The following ZNF229 variants were observed in gnomAD, a reference collection of about 807,000 sequenced individuals.
ZNF229 encodes the protein zinc finger protein 229.
Under a neutral mutation model 11.8 loss-of-function variants are expected in ZNF229, and 10 were observed. The ratio of observed to expected loss-of-function variants is 0.85; its 90% CI spans 0.52 to 1.44. The LOEUF (loss-of-function observed/expected upper bound fraction) is 1.44, where lower values mean the gene tolerates loss of function less well. ZNF229 is among the 40% of genes most tolerant of loss of function. The pLI is 0.00. For synonymous variants in ZNF229, 368 were observed against 374.8 expected, an observed-to-expected ratio of 0.98 and a Z score of 0.21; for missense variants, 1,045 against 1,015.1, an observed-to-expected ratio of 1.03 and a Z score of -0.40.
intron 5 of ZNF229, 188 bp downstream of exon 5, chr19:44,432,033 TG>T: frequency 8.4e-7 from 1 of 1,193,032 alleles, no homozygotes; most frequent in Non-Finnish European, 1.1e-6. Flanking sequence ...CCAACTATGC[TG>T]GCACCCTGAT....
chr19:44,436,789 T>C (rs1250188307), intron 4 of ZNF229, among the ~76,000 whole-genome samples: 1 of 152,100 alleles, frequency 6.6e-6, no homozygotes, highest in Non-Finnish European at 1.5e-5. Flanking sequence ...TGGTATTCAA[T>C]GCAGATGTAC....
rs59505617 is a variant in ZNF229 at position 44,429,329 on chromosome 19, G to A, written c.1452C>T (p.Thr484=). The change falls in exon 6 of 6, where the codon ACC becomes ACT. Residue 484 remains threonine, a synonymous_variant. Coordinates refer to ENST00000614049, the MANE Select transcript of ZNF229 (RefSeq NM_014518.4). ...TGTCACACTGGTAGGGCCTCTCGCC[G>A]GTGTGTGTCTTCTGATGACTGCTGA... ...SHLSSHQKTH[T]GERPYQCDKC... 0.12 allele frequency: 186,006 copies of A among 1,613,992 alleles called. 12,564 individuals carry two copies. Among genetic ancestry groups the A allele is most frequent in the Admixed American group, 0.3 (18,096 of 60,016 alleles).
chr19:44,430,269 T>G lies in ZNF229; in HGVS notation c.512A>C (p.Gln171Pro). Reference sequence around the variant, plus strand: ...TATAGCTCTCCAGGCTGGAAACTGTTGATTTTCTAGACCGATAAGCCCATC... The same window carrying G: ...TATAGCTCTCCAGGCTGGAAACTGTGGATTTTCTAGACCGATAAGCCCATC... ...QGDGLIGLEN[Q>P]QFPAWRAIRP... is the part of the protein sequence containing the mutation. The change falls in exon 6 of 6, where the codon CAA becomes CCA. Residue 171 changes from glutamine to proline, a missense_variant. Physicochemically the swap from Gln to Pro is moderately conservative, Grantham distance 76. Coordinates refer to ENST00000614049, the MANE Select transcript of ZNF229 (RefSeq NM_014518.4). 6.2e-7 allele frequency: 1 copy of G among 1,614,140 alleles called. No homozygotes were observed. The highest frequency in any genetic ancestry group is 8.5e-7 in the Non-Finnish European group (1 of 1,180,036).
At chr19:44,447,803 A>G (rs1972027724) in intron 1 of ZNF229, among the ~76,000 whole-genome samples, 1 of 152,154 alleles carries the variant, frequency 6.6e-6, no homozygotes, top group Non-Finnish European at 1.5e-5. Flanking sequence ...CTGATGCCCA[A>G]AGAAACCGTC....
At chr19:44,434,200 G>A (rs1211956455) in intron 4 of ZNF229, among the ~76,000 whole-genome samples, 3 of 152,116 alleles carry the variant, frequency 2.0e-5, no homozygotes, top group African/African-American at 7.2e-5. Context: ...TTCCAACAGT[G>A]CCTAGTTTAC....
At chr19:44,448,567 T>C (rs1175418003), upstream of ZNF229, 1 of 151,988 alleles carries the variant, frequency 6.6e-6, no homozygotes, top group Non-Finnish European at 1.5e-5. Context: ...GGGGCGATGG[T>C]GTCGTAAATG....
At chr19:44,432,828 C>CT (rs1396535258) in intron 4 of ZNF229, among the ~76,000 whole-genome samples, 2 of 151,698 alleles carry the variant, frequency 1.3e-5, no homozygotes, top group African/African-American at 2.4e-5. Context: ...TACCCTAAAA[C>CT]TTAAAGTATA....
chr19:44,441,919 G>A (rs1041346931), intron 4 of ZNF229, among the ~76,000 whole-genome samples: 8 of 139,516 alleles, frequency 5.7e-5, no homozygotes, highest in Non-Finnish European at 1.3e-4. Context: ...CAAATCTTTG[G>A]CTGTCTGCTA....
intron 2 of ZNF229, among the ~76,000 whole-genome samples, chr19:44,444,845 A>C (rs1292717268): frequency 6.6e-6 from 1 of 151,834 alleles, no homozygotes; most frequent in African/African-American, 2.4e-5. Context: ...GTGGGTAAAA[A>C]TTTTCCTTGT....
chr19:44,440,937 C>A (rs1222950241), intron 4 of ZNF229, among the ~76,000 whole-genome samples: 3 of 152,010 alleles, frequency 2.0e-5, no homozygotes, highest in Non-Finnish European at 4.4e-5. Flanking sequence ...GTTGCCCAGG[C>A]TGGTCTCGAA....
At chr19:44,434,398 T>C (rs1198629524) in intron 4 of ZNF229, among the ~76,000 whole-genome samples, 1 of 152,154 alleles carries the variant, frequency 6.6e-6, no homozygotes, top group Non-Finnish European at 1.5e-5. Context: ...AGCTAATTTA[T>C]GTCATGCAAC....
At position 44,428,296 on chromosome 19, in the gene ZNF229, T is replaced by C. The variant is rs758103041; in HGVS notation, c.*7A>G. On this transcript the variant is annotated 3_prime_UTR_variant, in exon 6 of 6. Transcript: ENST00000614049. ...TCTGAGTCCCAGATGGAATCCTCTA[T>C]GTACATCTACTTATAAGGGTTCTCG... 11 of 1,597,738 alleles carry C rather than the reference T, an allele frequency of 6.9e-6. No individual in the cohort carries two copies. The highest frequency in any genetic ancestry group is 2.2e-5 in the East Asian group (1 of 44,652).
Position 44,442,812 on chromosome 19 carries a change from AC to A in ZNF229, c.34+1del, listed in dbSNP as rs2123378989. On this transcript the variant is annotated splice_donor_variant, in intron 3 of 5. Coordinates refer to ENST00000614049, the MANE Select transcript of ZNF229 (RefSeq NM_014518.4). LOFTEE classifies it high-confidence loss of function. ...CCACCCACCCCCTCTATTAGCTGTCACCTCTTTTCTCATGCCTTGAGGTCAA... is the reference window on the plus strand; with the variant it reads ...CCACCCACCCCCTCTATTAGCTGTCACTCTTTTCTCATGCCTTGAGGTCAA... The A allele has an allele frequency of 6.3e-7, 1 of 1,586,694 alleles. No individual in the cohort carries two copies. Among genetic ancestry groups the A allele is most frequent in the South Asian group, 1.1e-5 (1 of 90,436 alleles).
chr19:44,429,356 G>T lies in ZNF229; in HGVS notation c.1425C>A (p.His475Gln), dbSNP rs375435359. ...TGTGTGTCTTCTGATGACTGCTGAG[G>T]TGGGAGCTGCAGCTGAATCCCTTTC... is the stretch of plus-strand genomic sequence containing the variant. ...ECGKGFSCSSHLSSHQKTHTG... is the reference protein window; with the variant it reads ...ECGKGFSCSSQLSSHQKTHTG... Residue 475 changes from histidine to glutamine, a missense_variant, in exon 6 of 6, where the codon CAC becomes CAA. His to Gln is a conservative substitution (Grantham distance 24). Transcript: ENST00000614049. 3 of 1,614,036 alleles carry T rather than the reference G, an allele frequency of 1.9e-6. No individual in the cohort carries two copies. Among genetic ancestry groups the T allele is most frequent in the Non-Finnish European group, 2.5e-6 (3 of 1,179,954 alleles).
chr19:44,437,809 C>T (rs1280449250), intron 4 of ZNF229, among the ~76,000 whole-genome samples: 1 of 152,154 alleles, frequency 6.6e-6, no homozygotes, highest in Non-Finnish European at 1.5e-5. Context: ...GAGATCATAT[C>T]CTCTGCAGCA....
At chr19:44,439,292 T>C (rs1305651027) in intron 4 of ZNF229, among the ~76,000 whole-genome samples, 1 of 152,174 alleles carries the variant, frequency 6.6e-6, no homozygotes, top group Non-Finnish European at 1.5e-5. Context: ...GGGCCAGCAA[T>C]ATTCAGACAT....
intron 1 of ZNF229, among the ~76,000 whole-genome samples, 185 bp downstream of exon 1, chr19:44,448,124 A>T (rs1483496379): frequency 6.6e-6 from 1 of 152,190 alleles, no homozygotes; most frequent in East Asian, 1.9e-4. Flanking sequence ...TACCCTGAGA[A>T]AATTCATGTC....
chr19:44,435,248 C>G (rs985287948), intron 4 of ZNF229, among the ~76,000 whole-genome samples: 9 of 152,122 alleles, frequency 5.9e-5, no homozygotes, highest in African/African-American at 1.9e-4. Flanking sequence ...AGCCAAAAAG[C>G]TAGAGTTTCA....
chr19:44,442,056 T>C (rs946442572), intron 4 of ZNF229, among the ~76,000 whole-genome samples: 1 of 152,374 alleles, frequency 6.6e-6, no homozygotes, highest in East Asian at 1.9e-4. Context: ...CAGGTCTTTA[T>C]GCATAACCCT....
Sources: gnomAD v4.1 joint callset for allele counts (sites outside exome capture counted in the v4.1 genomes callset) on GRCh38, gnomAD v4.1.1 for gene constraint, MANE v1.5 for transcripts, NCBI Gene and HGNC (gene_info 2026-07-23, HGNC 2026-07-21) for gene names.